TESMIN: variants seen among roughly 807,000 people sequenced by gnomAD.
The protein encoded by TESMIN is testis expressed metallothionein like protein.
Under a neutral mutation model 47.4 loss-of-function variants are expected in TESMIN, and 34 were observed. The observed-to-expected ratio is 0.72, with a 90% CI of 0.55 to 0.96. TESMIN has a LOEUF of 0.96. Among genes scored for constraint, TESMIN ranks in the 40% least tolerant of loss-of-function variants. The pLI, the probability that TESMIN is intolerant of heterozygous loss-of-function variation, is 0.00. For synonymous variants in TESMIN, 278 were observed against 258.9 expected, an observed-to-expected ratio of 1.07 and a Z score of -0.71; for missense variants, 610 against 637.2, an observed-to-expected ratio of 0.96 and a Z score of 0.46.
intron 5 of TESMIN, among the ~76,000 whole-genome samples, chr11:68,739,019 G>A (rs1946425965): frequency 6.6e-6 from 1 of 152,106 alleles, no homozygotes; most frequent in Admixed American, 6.5e-5. Context: ...CTGGAAGTGT[G>A]CAAAGATGCA....
chr11:68,736,992 G>C (rs905690122), intron 6 of TESMIN: 48 of 985,218 alleles, frequency 4.9e-5, no homozygotes, highest in Non-Finnish European at 5.4e-5. Context: ...AGTATGAGAA[G>C]TATCAAATGT....
chr11:68,750,253 C>T lies in TESMIN; in HGVS notation c.408G>A (p.Ala136=), dbSNP rs751097837. 2.6e-6 allele frequency: 4 copies of T among 1,540,138 alleles called. No homozygotes were observed. The highest frequency in any genetic ancestry group is 3.5e-6 in the Non-Finnish European group (4 of 1,153,160). ...SSLLPAHRSP[A]VLPLGAWVLE... is the part of the protein sequence containing the mutation. ...GGACCCAGGCGCCCAGGGGCAACAC[C>T]GCCGGGCTGCGGTGCGCGGGTAGCA... The change falls in exon 2 of 10, where the codon GCG becomes GCA. Residue 136 remains alanine, a synonymous_variant. Coordinates refer to ENST00000255087, the MANE Select transcript of TESMIN (RefSeq NM_004923.3).
chr11:68,750,374 T>TC lies in TESMIN; in HGVS notation c.286dup (p.Glu96GlyfsTer64). 2 of 1,508,918 alleles carry TC rather than the reference T, an allele frequency of 1.3e-6. No homozygotes were observed. The highest frequency in any genetic ancestry group is 1.8e-6 in the Non-Finnish European group (2 of 1,125,996). 93.5% of individuals were successfully genotyped at this position (1,508,918 alleles called of 1,614,324 possible). On this transcript the variant is annotated frameshift_variant, in exon 2 of 10. Transcript: ENST00000255087. LOFTEE classifies it high-confidence loss of function. ...GCTGAGCTCTGGGATCCCGGGGTAC[T>TC]CCCCGAGGAGCTCCCCGCCGTCGCT...
chr11:68,735,501 G>A (rs924367993), intron 6 of TESMIN, among the ~76,000 whole-genome samples: 2 of 152,222 alleles, frequency 1.3e-5, no homozygotes, highest in Non-Finnish European at 2.9e-5. Flanking sequence ...CAGGACTGTG[G>A]TCAGTGCTTC....
chr11:68,734,245 A>T (rs767578217), intron 6 of TESMIN, among the ~76,000 whole-genome samples: 1 of 152,192 alleles, frequency 6.6e-6, no homozygotes, highest in Non-Finnish European at 1.5e-5. Context: ...TTAGGAAGGG[A>T]TTATTACAAC....
At chr11:68,705,581 C>A (rs1299598027), downstream of TESMIN, among the ~76,000 whole-genome samples, 1 of 152,204 alleles carries the variant, frequency 6.6e-6, no homozygotes, top group Non-Finnish European at 1.5e-5. Flanking sequence ...CAGCGCGTGT[C>A]ATTCTAAACA....
intron 4 of TESMIN, 149 bp downstream of exon 4, chr11:68,744,842 T>C: frequency 1.7e-6 from 1 of 593,858 alleles, no homozygotes; most frequent in South Asian, 2.6e-5. Flanking sequence ...TACATTTTTA[T>C]ATTCTTAGCT....
At chr11:68,737,204 T>A in intron 6 of TESMIN, 1 of 985,380 alleles carries the variant, frequency 1.0e-6, no homozygotes, top group Non-Finnish European at 1.2e-6. Flanking sequence ...CCAATTACAA[T>A]CATAGCAACT....
intron 3 of TESMIN, 48 bp downstream of exon 3, chr11:68,747,160 A>C (rs907522449): frequency 6.4e-7 from 1 of 1,569,116 alleles, no homozygotes; most frequent in African/African-American, 1.4e-5. Context: ...GATGGGGTCC[A>C]GCATTTAGTA....
At position 68,707,578 on chromosome 11, in the gene TESMIN, A is replaced by G. The variant is rs1270881523; in HGVS notation, c.*730T>C. 4.7e-6 allele frequency: 1 copy of G among 214,450 alleles called. No individual in the cohort carries two copies. Among genetic ancestry groups the G allele is most frequent in the Non-Finnish European group, 1.0e-5 (1 of 100,010 alleles). 13.3% of individuals were successfully genotyped at this position (214,450 alleles called of 1,614,324 possible). ...TTACAAACAATAATAATATTACAAC[A>G]ATAATTATGGAGAAGTTAATTGGAT... On this transcript the variant is annotated 3_prime_UTR_variant, in exon 10 of 10. Transcript: ENST00000255087.
chr11:68,731,152 G>A (rs948139738), intron 6 of TESMIN, among the ~76,000 whole-genome samples: 3 of 152,214 alleles, frequency 2.0e-5, no homozygotes, highest in Admixed American at 2.0e-4. Context: ...AAGTTGCTAA[G>A]AGTGGAAGCT....
chr11:68,731,023 G>A (rs1265346035), intron 6 of TESMIN, among the ~76,000 whole-genome samples: 1 of 152,158 alleles, frequency 6.6e-6, no homozygotes, highest in Non-Finnish European at 1.5e-5. Context: ...ACTAAAAAGG[G>A]TAGTTCCAGC....
intron 2 of TESMIN, among the ~76,000 whole-genome samples, chr11:68,748,507 C>T (rs1340103382): frequency 6.6e-6 from 1 of 152,198 alleles, no homozygotes; most frequent in Non-Finnish European, 1.5e-5. Context: ...ATAAATATAT[C>T]ATTTCCTCAG....
At chr11:68,738,400 T>C (rs1946413533) in intron 6 of TESMIN, 1 of 1,129,510 alleles carries the variant, frequency 8.9e-7, no homozygotes, top group Non-Finnish European at 1.1e-6. Flanking sequence ...CAACATGGAA[T>C]GAAGACAAAG....
At chr11:68,727,097 T>C (rs1946273718) in intron 6 of TESMIN, among the ~76,000 whole-genome samples, 1 of 150,630 alleles carries the variant, frequency 6.6e-6, no homozygotes, top group African/African-American at 2.4e-5. Context: ...GAAATGAAAC[T>C]GAGTCTGGAT....
At chr11:68,746,731 C>T (rs927781938) in intron 3 of TESMIN, among the ~76,000 whole-genome samples, 1 of 152,162 alleles carries the variant, frequency 6.6e-6, no homozygotes, top group African/African-American at 2.4e-5. Context: ...GCCTATCCTA[C>T]AGAGTTGTTA....
chr11:68,722,216 G>T (rs145917702), intron 6 of TESMIN, among the ~76,000 whole-genome samples: 7 of 152,292 alleles, frequency 4.6e-5, no homozygotes, highest in African/African-American at 4.8e-5. Context: ...GAAGGACTTA[G>T]AATAGTCAAA....
chr11:68,715,969 G>A (rs1015320129), intron 6 of TESMIN, 30 bp from the exon 7 acceptor site: 32 of 1,360,194 alleles, frequency 2.4e-5, no homozygotes, highest in Non-Finnish European at 3.0e-5. Flanking sequence ...GTGAGTGGCA[G>A]GCACAGACGG....
chr11:68,743,805 GGCA>G (rs1245903060), intron 4 of TESMIN, among the ~76,000 whole-genome samples: 2 of 152,172 alleles, frequency 1.3e-5, no homozygotes, highest in Non-Finnish European at 2.9e-5. Flanking sequence ...CTCAGACGCA[GGCA>G]GCAGGATGCA....
Sources: allele counts gnomAD v4.1 joint callset (sites outside exome capture counted in the v4.1 genomes callset), GRCh38; gene constraint gnomAD v4.1.1; transcripts MANE v1.5; gene names NCBI Gene and HGNC (gene_info 2026-07-23, HGNC 2026-07-21).